Variants in RNLS observed in about 807,000 individuals in gnomAD.
RNLS encodes the protein renalase, FAD dependent amine oxidase, also known as renalase.
Under a neutral mutation model 39.8 loss-of-function variants are expected in RNLS, and 39 were observed. The ratio of observed to expected loss-of-function variants is 0.98; its 90% CI spans 0.76 to 1.28. The LOEUF is 1.28. Among genes scored for constraint, RNLS ranks in the 50% most tolerant of loss-of-function variants. RNLS has a pLI of 0.00. For synonymous variants in RNLS, 147 were observed against 150.7 expected (o/e 0.98, Z 0.18); for missense variants, 410 against 413.3 (o/e 0.99, Z 0.07).
At chr10:88,458,682 C>T (rs981973635) in intron 4 of RNLS, among the ~76,000 whole-genome samples, 4 of 151,862 alleles carry the variant, frequency 2.6e-5, no homozygotes, top group African/African-American at 4.8e-5. Context: ...CCTACAGGGT[C>T]GAGAAGAATA....
At chr10:88,507,390 A>G (rs1056852966) in intron 4 of RNLS, among the ~76,000 whole-genome samples, 1 of 152,168 alleles carries the variant, frequency 6.6e-6, no homozygotes, top group Non-Finnish European at 1.5e-5. Flanking sequence ...AAGGAGTCCA[A>G]TCAGCTGTAA....
At chr10:88,543,728 G>A (rs534267279) in intron 4 of RNLS, among the ~76,000 whole-genome samples, 84 of 152,240 alleles carry the variant, frequency 5.5e-4, no homozygotes, top group African/African-American at 1.9e-3. Context: ...CAAAGATTCT[G>A]AATGCATTAA....
intron 4 of RNLS, among the ~76,000 whole-genome samples, chr10:88,365,556 C>CAT (rs1491512278): frequency 1.6e-4 from 21 of 134,680 alleles, no homozygotes; most frequent in Admixed American, 5.2e-4. Flanking sequence ...CACACACACA[C>CAT]GTACGTATAT....
chr10:88,556,225 A>G (rs909739083), intron 4 of RNLS, among the ~76,000 whole-genome samples: 4 of 152,122 alleles, frequency 2.6e-5, no homozygotes, highest in African/African-American at 9.7e-5. Context: ...ATATCTATAC[A>G]TCAGCAAATC....
the RNLS span, among the ~76,000 whole-genome samples, chr10:88,179,677 C>T: frequency 7.2e-5 from 11 of 152,306 alleles, no homozygotes; most frequent in Admixed American, 6.5e-4. Flanking sequence ...AGGATTTGAA[C>T]CCAATGATTT....
At chr10:88,172,431 T>C in the RNLS span, among the ~76,000 whole-genome samples, 1 of 151,956 alleles carries the variant, frequency 6.6e-6, no homozygotes, top group Non-Finnish European at 1.5e-5. Context: ...TGATCAGTGA[T>C]GTTAAGCATT....
chr10:88,403,439 C>A (rs548783335), intron 4 of RNLS, among the ~76,000 whole-genome samples: 2 of 151,868 alleles, frequency 1.3e-5, no homozygotes, highest in Admixed American at 6.6e-5. Context: ...AAACAAGTAC[C>A]TTTATCTTGG....
At chr10:88,509,451 A>G (rs1589923322) in intron 4 of RNLS, among the ~76,000 whole-genome samples, 1 of 145,358 alleles carries the variant, frequency 6.9e-6, no homozygotes, top group South Asian at 2.3e-4. Context: ...AGAGAGAGAG[A>G]AAAAAAAGGA....
intron 4 of RNLS, among the ~76,000 whole-genome samples, chr10:88,430,683 T>A (rs1001930506): frequency 5.9e-5 from 9 of 151,808 alleles, no homozygotes; most frequent in African/African-American, 2.2e-4. Flanking sequence ...CTATTCCTGG[T>A]TTGCTAACAG....
chr10:88,424,023 T>C (rs1388135679), intron 4 of RNLS, among the ~76,000 whole-genome samples: 1 of 152,196 alleles, frequency 6.6e-6, no homozygotes, highest in Non-Finnish European at 1.5e-5. Context: ...TAAAGTCTTG[T>C]CTCACCACCT....
At chr10:88,180,324 T>G in the RNLS span, among the ~76,000 whole-genome samples, 1 of 152,182 alleles carries the variant, frequency 6.6e-6, no homozygotes, top group Non-Finnish European at 1.5e-5. Flanking sequence ...AATATATTAT[T>G]GCAGCTGTAG....
intron 4 of RNLS, among the ~76,000 whole-genome samples, chr10:88,395,962 A>C (rs1364859057): frequency 6.6e-6 from 1 of 152,106 alleles, no homozygotes; most frequent in Non-Finnish European, 1.5e-5. Flanking sequence ...AGAAAAAAAC[A>C]TCTACCAAGA....
At chr10:88,189,298 C>G in the RNLS span, among the ~76,000 whole-genome samples, 1 of 152,110 alleles carries the variant, frequency 6.6e-6, no homozygotes. Flanking sequence ...CTATGTCATT[C>G]ATCTTATAAT....
chr10:88,177,833 T>C, the RNLS span, among the ~76,000 whole-genome samples: 1 of 152,216 alleles, frequency 6.6e-6, no homozygotes, highest in Non-Finnish European at 1.5e-5. Context: ...TATGATTTAT[T>C]TGACTGCAAC....
intron 6 of RNLS, chr10:88,309,478 T>G: frequency 7.8e-7 from 1 of 1,289,506 alleles, no homozygotes; most frequent in Non-Finnish European, 1.0e-6. Context: ...AAACAAAATC[T>G]GTAAGAAAAA....
intron 4 of RNLS, among the ~76,000 whole-genome samples, chr10:88,387,911 T>A (rs183634135): frequency 3.0e-4 from 46 of 152,240 alleles, no homozygotes; most frequent in African/African-American, 9.2e-4. Context: ...ACCACACACC[T>A]TGAAAACATA....
At chr10:88,259,470 A>G in the RNLS span, 1 of 152,226 alleles carries the variant, frequency 6.6e-6, no homozygotes, top group African/African-American at 2.4e-5. Context: ...AAGGCTATGC[A>G]TGAAAGTTCT....
intron 4 of RNLS, among the ~76,000 whole-genome samples, chr10:88,403,207 G>A (rs1470648203): frequency 6.6e-6 from 1 of 151,962 alleles, no homozygotes; most frequent in Non-Finnish European, 1.5e-5. Flanking sequence ...AGATTTAAGA[G>A]ACATATCAGT....
At chr10:88,365,369 G>C (rs1391983256) in intron 4 of RNLS, among the ~76,000 whole-genome samples, 1 of 77,076 alleles carries the variant, frequency 1.3e-5, no homozygotes, top group Non-Finnish European at 2.5e-5. Flanking sequence ...ACATATTTTG[G>C]CAAGCAAAAC....
Sources: gnomAD v4.1 joint callset for allele counts (sites outside exome capture counted in the v4.1 genomes callset) on GRCh38, gnomAD v4.1.1 for gene constraint, MANE v1.5 for transcripts, NCBI Gene and HGNC (gene_info 2026-07-23, HGNC 2026-07-21) for gene names.